The following SCAP variants were observed in gnomAD, a reference collection of about 807,000 sequenced individuals.
SCAP encodes SREBF chaperone, also known as sterol regulatory element-binding protein cleavage-activating protein.
SCAP carries 65 observed loss-of-function variants against 123.6 expected under a neutral mutation model. The ratio of observed to expected loss-of-function variants is 0.53; its 90% confidence interval spans 0.43 to 0.65. The LOEUF is 0.65. Among genes scored for constraint, SCAP ranks in the 30% least tolerant of loss-of-function variants. The pLI is 0.00. For synonymous variants in SCAP, 740 were observed against 726.3 expected, an observed-to-expected ratio of 1.02 and a Z score of -0.30; for missense variants, 1,398 against 1,712.5, an observed-to-expected ratio of 0.82 and a Z score of 3.24.
In SCAP at chr3:47,441,389, G is replaced by A. The variant is rs141636890; in HGVS notation, c.122+1483C>T. Among the ~76,000 whole-genome samples the A allele has an allele frequency of 3.6e-3, 548 of 152,206 alleles. 2 individuals carry two copies. Among genetic ancestry groups the A allele is most frequent in the African/African-American group, 0.012 (512 of 41,538 alleles). On this transcript the variant is annotated intron_variant, in intron 2 of 22. Coordinates refer to ENST00000265565, the MANE Select transcript of SCAP (RefSeq NM_012235.4). Reference sequence around the variant, plus strand: ...AGGCTGAGATGGGAGGGTCGCTTGAGCCTAGGAGGTTGAGGCTGAGGTGAG... The same window carrying A: ...AGGCTGAGATGGGAGGGTCGCTTGAACCTAGGAGGTTGAGGCTGAGGTGAG...
rs1239067692 is a variant in SCAP, at chr3:47,434,152, A to C, written c.252+856T>G. On this transcript the variant is annotated intron_variant, in intron 3 of 22. Transcript: ENST00000265565. Reference sequence around the variant, plus strand: ...CAGCCGCAGAGTCAAGTTCATAACAAGTTACCTGACTACTACGTTAACCAA... The same window carrying C: ...CAGCCGCAGAGTCAAGTTCATAACACGTTACCTGACTACTACGTTAACCAA... 5.9e-5 allele frequency among the ~76,000 whole-genome samples: 9 copies of C among 152,230 alleles called. No individual in the cohort carries two copies. In the South Asian group the frequency reaches 1.9e-3, roughly 31 times the overall value.
intron 1 of SCAP, among the ~76,000 whole-genome samples, chr3:47,460,079 G>C (rs1707573865): frequency 6.6e-6 from 1 of 152,094 alleles, no homozygotes; most frequent in African/African-American, 2.4e-5. Flanking sequence ...GAAAAATATG[G>C]CTCTATTCTG....
In SCAP at chr3:47,415,102, A is replaced by C; in HGVS notation, c.3135T>G (p.Phe1045Leu). The change falls in exon 19 of 23, where the codon TTT becomes TTG. Residue 1045 changes from phenylalanine to leucine, a missense_variant. This residue lies in a region of SCAP where 828 missense variants were observed against 882.5 expected (regional missense o/e 0.94). Coordinates refer to ENST00000265565, the MANE Select transcript of SCAP (RefSeq NM_012235.4). The part of the protein sequence containing the change: ...ETHTALSPLQ[F>L]RGTPGRGSSP... ...GCCCACCCCAGGCCCTCCGACCTCT[A>C]AACTGCAGGGGGCTGAGGGCAGTGT... 1.2e-6 allele frequency: 2 copies of C among 1,607,610 alleles called. No individual in the cohort carries two copies. Among genetic ancestry groups the C allele is most frequent in the Non-Finnish European group, 1.7e-6 (2 of 1,177,970 alleles).
chr3:47,476,052 C>T, upstream of SCAP: 1 of 152,138 alleles, frequency 6.6e-6, no homozygotes, highest in Non-Finnish European at 1.5e-5. Flanking sequence ...CTCCCGTTCG[C>T]CCTCTGGTGG....
Position 47,435,688 on chromosome 3 carries a change from T to C in SCAP, c.123-551A>G, listed in dbSNP as rs185010746. ...GGCGTAAGCAACCGTGCCTGGCTAG[T>C]TTATACATTTAATGAGTAACTTTTA... is the stretch of plus-strand genomic sequence containing the variant. On this transcript the variant is annotated intron_variant, in intron 2 of 22. Coordinates refer to ENST00000265565, the MANE Select transcript of SCAP (RefSeq NM_012235.4). Among the ~76,000 whole-genome samples, 168 of 152,090 alleles carry C rather than the reference T, an allele frequency of 1.1e-3. 1 individual carries two copies. The highest frequency in any genetic ancestry group is 6.8e-3 in the Middle Eastern group (2 of 294).
intron 1 of SCAP, among the ~76,000 whole-genome samples, chr3:47,458,104 A>T (rs926614917): frequency 1.3e-5 from 2 of 152,150 alleles, no homozygotes; most frequent in Non-Finnish European, 2.9e-5. Context: ...CCTGGGCAAC[A>T]TGGTGAAACC....
chr3:47,473,209 G>A (rs188716368), intron 1 of SCAP, among the ~76,000 whole-genome samples: 1 of 151,816 alleles, frequency 6.6e-6, no homozygotes, highest in East Asian at 1.9e-4. Flanking sequence ...GGTGACCCAG[G>A]GCCAGTCAAA....
chr3:47,431,326 C>A (rs941111032), intron 3 of SCAP, among the ~76,000 whole-genome samples: 1 of 2,934 alleles, frequency 3.4e-4, no homozygotes, highest in Non-Finnish European at 5.1e-3. Flanking sequence ...ATTTAGGAGG[C>A]TGAGGTATAT....
In SCAP at chr3:47,419,611, A is replaced by G. The variant is rs572217760; in HGVS notation, c.1657T>C (p.Leu553=). The stretch of plus-strand genomic sequence containing the variant: ...ATGGGAGCCAGGGCTCCCTCACCCA[A>G]TGGGCTCTGTTCCGTCACCTGGGCA... ...LAAQVTEQSP[L]GEGALAPMPV... Residue 553 remains leucine (L), a synonymous_variant, in exon 13 of 23, where the codon TTG becomes CTG. Coordinates refer to ENST00000265565, the MANE Select transcript of SCAP (RefSeq NM_012235.4). The surrounding 1 kb of genome is among the most constrained non-coding windows in gnomAD (Gnocchi z 5.0). The G allele has an allele frequency of 9.4e-6, 15 of 1,601,770 alleles. No individual in the cohort carries two copies. The highest frequency in any genetic ancestry group is 4.5e-5 in the East Asian group (2 of 44,766).
In SCAP at chr3:47,413,757, G is replaced by A; in HGVS notation, c.*97C>T. ...ATATTATTACAGTCAGGAGGCAGCGGCTGGAAGATACTCGGCTCTTTCCCC... is the reference window on the plus strand; with the variant it reads ...ATATTATTACAGTCAGGAGGCAGCGACTGGAAGATACTCGGCTCTTTCCCC... On this transcript the variant is annotated 3_prime_UTR_variant, in exon 23 of 23. Transcript: ENST00000265565. 1 of 1,468,634 alleles carries A rather than the reference G, an allele frequency of 6.8e-7. No individual in the cohort carries two copies. The highest frequency in any genetic ancestry group is 9.2e-7 in the Non-Finnish European group (1 of 1,087,768). 91.0% of individuals were successfully genotyped at this position (1,468,634 alleles called of 1,614,324 possible).
intron 13 of SCAP, 29 bp from the exon 14 acceptor site, chr3:47,418,872 G>C (rs758408675): frequency 3.4e-6 from 5 of 1,491,306 alleles, no homozygotes; most frequent in Non-Finnish European, 4.5e-6. Context: ...CAGCCTCAGC[G>C]GGGGGCCTCC....
At position 47,435,098 on chromosome 3, in the gene SCAP, A is replaced by C. The variant is rs1216541249; in HGVS notation, c.162T>G (p.Pro54=). ...LLKLPLPGTG[P]VEFTTPVKDY... is the part of the protein sequence containing the mutation. ...CCTTCACAGGGGTGGTGAATTCCAC[A>C]GGTCCTGTTCCTGGCAAGGGGAGTT... Residue 54 remains proline (P), a synonymous_variant, in exon 3 of 23, where the codon CCT becomes CCG. Transcript: ENST00000265565. 3 of 1,613,998 alleles carry C rather than the reference A, an allele frequency of 1.9e-6. No homozygotes were observed. Among genetic ancestry groups the C allele is most frequent in the Non-Finnish European group, 2.5e-6 (3 of 1,180,000 alleles).
chr3:47,417,063 G>C, intron 18 of SCAP, 59 bp downstream of exon 18: 3 of 1,469,106 alleles, frequency 2.0e-6, no homozygotes, highest in Non-Finnish European at 2.8e-6. Context: ...AGACTCAAGA[G>C]AGTATGGCCT....
At chr3:47,421,589 A>G (rs1349700910) in intron 10 of SCAP, among the ~76,000 whole-genome samples, 1 of 152,254 alleles carries the variant, frequency 6.6e-6, no homozygotes, top group Non-Finnish European at 1.5e-5. Flanking sequence ...TGAGACCTCT[A>G]GCACATCACC....
chr3:47,460,827 A>T (rs1167648230), intron 1 of SCAP, among the ~76,000 whole-genome samples: 1 of 152,212 alleles, frequency 6.6e-6, no homozygotes, highest in Non-Finnish European at 1.5e-5. Flanking sequence ...AAGTGCTGGG[A>T]TTACAGGCGT....
chr3:47,474,522 C>T (rs1352857233), intron 1 of SCAP, among the ~76,000 whole-genome samples: 2 of 151,910 alleles, frequency 1.3e-5, no homozygotes, highest in Admixed American at 6.6e-5. Flanking sequence ...TGGCCGGGCA[C>T]GGTGGTTCAC....
intron 1 of SCAP, among the ~76,000 whole-genome samples, chr3:47,461,545 A>G (rs553275084): frequency 6.6e-6 from 1 of 152,302 alleles, no homozygotes; most frequent in African/African-American, 2.4e-5. Context: ...GCTAGGAGAG[A>G]TGGGATCCTC....
At chr3:47,425,118 A>AGT (rs928102131) in intron 8 of SCAP, among the ~76,000 whole-genome samples, 1 of 152,172 alleles carries the variant, frequency 6.6e-6, no homozygotes, top group African/African-American at 2.4e-5. Context: ...ATCAAGCTGC[A>AGT]GTGTGTGTGT....
chr3:47,418,740 G>A lies in SCAP; in HGVS notation c.2044C>T (p.Pro682Ser), dbSNP rs1705759977. The change falls in exon 14 of 23, where the codon CCG becomes TCG. Residue 682 changes from proline to serine, a missense_variant. Coordinates refer to ENST00000265565, the MANE Select transcript of SCAP (RefSeq NM_012235.4). ...PQDGRSAWPP[P>S]GPIPAGHWEA... ...CAGTGCCCAGCAGGTATGGGCCCCG[G>A]TGGGGGCCAGGCACTGCGGCCGTCC... 3.7e-6 allele frequency: 6 copies of A among 1,601,164 alleles called. No homozygotes were observed. The highest frequency in any genetic ancestry group is 5.1e-6 in the Non-Finnish European group (6 of 1,175,360).
Sources: allele counts gnomAD v4.1 joint callset (sites outside exome capture counted in the v4.1 genomes callset), GRCh38; gene constraint gnomAD v4.1.1; regional missense constraint gnomAD v4.1.1; non-coding constraint Gnocchi (gnomAD v3.1); transcripts MANE v1.5; gene names NCBI Gene and HGNC (gene_info 2026-07-23, HGNC 2026-07-21).